The following SFXN4 variants were observed in gnomAD, a reference collection of about 807,000 sequenced individuals.
SFXN4 encodes sideroflexin 4, also known as sideroflexin-4.
A neutral mutation model predicts 54.6 loss-of-function variants in SFXN4; 48 were observed. The ratio of observed to expected loss-of-function variants is 0.88; its 90% CI spans 0.70 to 1.12. The LOEUF (loss-of-function observed/expected upper bound fraction) is 1.12. Ranked by LOEUF, SFXN4 falls within the 50% of genes most tolerant of loss-of-function variation. The pLI, the probability that SFXN4 is intolerant of heterozygous loss-of-function variation, is 0.00. For missense variants in SFXN4, 383 were observed against 409.2 expected (o/e 0.94, Z 0.55); for synonymous variants, 130 against 145.5 (o/e 0.89, Z 0.77).
At chr10:119,164,344 C>A in intron 1 of SFXN4, 148 bp from the exon 2 acceptor site, 2 of 569,160 alleles carry the variant, frequency 3.5e-6, no homozygotes, top group Non-Finnish European at 6.2e-6. Context: ...GGGATCCTCC[C>A]AACCTCTCCA....
chr10:119,143,706 G>A (rs148470310), intron 13 of SFXN4, among the ~76,000 whole-genome samples: 4 of 151,664 alleles, frequency 2.6e-5, no homozygotes, highest in African/African-American at 9.7e-5. Context: ...TGAACGCCGG[G>A]GCTCAAGTGA....
At chr10:119,159,691 C>A in intron 6 of SFXN4, 37 bp downstream of exon 6, 1 of 1,611,562 alleles carries the variant, frequency 6.2e-7, no homozygotes, top group Non-Finnish European at 8.5e-7. Context: ...TCTTCCCAAG[C>A]CCCTAGTCTC....
At chr10:119,159,809 G>A (rs1847443361) in intron 5 of SFXN4, 56 bp from the exon 6 acceptor site, 3 of 1,591,170 alleles carry the variant, frequency 1.9e-6, no homozygotes, top group Non-Finnish European at 2.6e-6. Context: ...AGGCAGAGGG[G>A]GCCAGAAGGG....
At chr10:119,160,323 T>C (rs1428072686) in intron 5 of SFXN4, among the ~76,000 whole-genome samples, 5 of 151,840 alleles carry the variant, frequency 3.3e-5, no homozygotes, top group Admixed American at 1.3e-4. Context: ...CTGGCCAACA[T>C]AGTGAAACCC....
At chr10:119,144,386 G>A (rs1355675783) in intron 13 of SFXN4, among the ~76,000 whole-genome samples, 1 of 152,136 alleles carries the variant, frequency 6.6e-6, no homozygotes, top group Non-Finnish European at 1.5e-5. Flanking sequence ...GAACCCGAGA[G>A]GTGGAGCTTG....
intron 11 of SFXN4, among the ~76,000 whole-genome samples, chr10:119,151,988 A>G (rs926514694): frequency 2.7e-5 from 4 of 150,854 alleles, no homozygotes; most frequent in Non-Finnish European, 5.9e-5. Flanking sequence ...CTAATTTTTT[A>G]AAAATTTTTT....
At position 119,155,180 on chromosome 10, in the gene SFXN4, G is replaced by A. The variant is rs17668734; in HGVS notation, c.617-3C>T. On this transcript the variant is annotated splice_region_variant and splice_polypyrimidine_tract_variant and intron_variant, in intron 10 of 13. Coordinates refer to ENST00000355697, the MANE Select transcript of SFXN4 (RefSeq NM_213649.2). ...GACATTCATTCCACTGGCTTGCACT[G>A]TAGATGTAAAGAAGTAAAGAACACC... The A allele has an allele frequency of 0.34, 542,077 of 1,602,256 alleles. 94,530 individuals are homozygous for A. The highest frequency in any genetic ancestry group is 0.4 in the South Asian group (36,265 of 90,800).
intron 10 of SFXN4, 66 bp downstream of exon 10, chr10:119,156,612 G>C: frequency 1.6e-6 from 2 of 1,272,562 alleles, no homozygotes; most frequent in Non-Finnish European, 2.2e-6. Flanking sequence ...CTCTGGAGAT[G>C]AAGGAAGGCT....
intron 10 of SFXN4, 111 bp downstream of exon 10, chr10:119,156,567 G>A (rs1847286988): frequency 3.5e-6 from 3 of 851,442 alleles, no homozygotes; most frequent in East Asian, 5.3e-5. Flanking sequence ...AAGGCCACCT[G>A]TCATCAGTCA....
At chr10:119,145,443 T>C (rs1193235611) in intron 13 of SFXN4, among the ~76,000 whole-genome samples, 4 of 151,624 alleles carry the variant, frequency 2.6e-5, no homozygotes, top group South Asian at 4.2e-4. Flanking sequence ...GCCTCCCGAG[T>C]AGCTGAGATT....
intron 13 of SFXN4, among the ~76,000 whole-genome samples, chr10:119,143,713 G>A (rs753968089): frequency 4.6e-5 from 7 of 152,120 alleles, no homozygotes; most frequent in Non-Finnish European, 1.0e-4. Flanking sequence ...CGGGGCTCAA[G>A]TGATCCTCCC....
At chr10:119,146,688 C>A (rs1846827288) in intron 12 of SFXN4, among the ~76,000 whole-genome samples, 1 of 152,130 alleles carries the variant, frequency 6.6e-6, no homozygotes, top group South Asian at 2.1e-4. Flanking sequence ...CCTGCCTCAG[C>A]CTCCCGAGTA....
chr10:119,147,315 T>C lies in SFXN4; in HGVS notation c.818+460A>G, dbSNP rs193295831. Among the ~76,000 whole-genome samples the C allele has an allele frequency of 1.1e-3, 163 of 152,366 alleles. 1 individual carries two copies. The highest frequency in any genetic ancestry group is 3.7e-3 in the African/African-American group (155 of 41,592). On this transcript the variant is annotated intron_variant, in intron 12 of 13. Transcript: ENST00000355697. ...ATACTGGTGGCCACAGGAACCCTGATGGATGCCCAGGTCCTCCGCCTCGTA... is the reference window on the plus strand; with the variant it reads ...ATACTGGTGGCCACAGGAACCCTGACGGATGCCCAGGTCCTCCGCCTCGTA...
rs894530785 is a variant in SFXN4 at position 119,148,307 on chromosome 10, C to T, written c.733-447G>A. 2.2e-4 allele frequency among the ~76,000 whole-genome samples: 34 copies of T among 152,224 alleles called. 1 individual carries two copies. Among genetic ancestry groups the T allele is most frequent in the African/African-American group, 8.2e-4 (34 of 41,536 alleles). On this transcript the variant is annotated intron_variant, in intron 11 of 13. Coordinates refer to ENST00000355697, the MANE Select transcript of SFXN4 (RefSeq NM_213649.2). ...AGAGAGGCGGAGGGGACGCCTTCCA[C>T]GTAACTTTCCATGTACAGGTGTGTG... is the stretch of plus-strand genomic sequence containing the variant.
intron 11 of SFXN4, among the ~76,000 whole-genome samples, chr10:119,150,041 G>GT (rs1445769502): frequency 6.6e-6 from 1 of 152,208 alleles, no homozygotes; most frequent in African/African-American, 2.4e-5. Context: ...TGGTTACGCA[G>GT]TTTCTGAAAT....
At chr10:119,163,773 G>A (rs1847649488) in intron 2 of SFXN4, among the ~76,000 whole-genome samples, 1 of 151,968 alleles carries the variant, frequency 6.6e-6, no homozygotes, top group African/African-American at 2.4e-5. Context: ...AATAATATAT[G>A]TAGATTCTGT....
Position 119,141,255 on chromosome 10 carries a change from T to C in SFXN4, c.1001A>G (p.His334Arg). The C allele has an allele frequency of 6.2e-7, 1 of 1,612,006 alleles. No individual in the cohort carries two copies. Among genetic ancestry groups the C allele is most frequent in the Non-Finnish European group, 8.5e-7 (1 of 1,178,130 alleles). The change falls in exon 14 of 14, where the codon CAC becomes CGC. Residue 334 changes from histidine to arginine, a missense_variant. Coordinates refer to ENST00000355697, the MANE Select transcript of SFXN4 (RefSeq NM_213649.2). ...SPTEETEIFY[H>R]RGV ...TAAAACTCACGCCTACACCCCTCTG[T>C]GATAAAAGATTTCTGTTTCTTCTGT...
At position 119,160,942 on chromosome 10, in the gene SFXN4, G is replaced by A; in HGVS notation, c.307C>T (p.Leu103=). 1 of 1,614,126 alleles carries A rather than the reference G, an allele frequency of 6.2e-7. No individual in the cohort carries two copies. The highest frequency in any genetic ancestry group is 2.2e-5 in the East Asian group (1 of 44,884). ...GCAGGTCGAAAAAGCTTGGGGATCAGGTTGCTGCTGTCGGGATGCACTGTT... is the reference window on the plus strand; with the variant it reads ...GCAGGTCGAAAAAGCTTGGGGATCAAGTTGCTGCTGTCGGGATGCACTGTT... ...LATVHPDSSN[L]IPKLFRPAAF... Residue 103 remains leucine, a synonymous_variant, in exon 5 of 14, where the codon CTG becomes TTG. Transcript: ENST00000355697.
At chr10:119,152,907 C>T (rs1847127941) in intron 11 of SFXN4, among the ~76,000 whole-genome samples, 1 of 152,124 alleles carries the variant, frequency 6.6e-6, no homozygotes, top group African/African-American at 2.4e-5. Context: ...TTAGTCCCTT[C>T]ACTTCATATC....
Sources: allele counts gnomAD v4.1 joint callset (sites outside exome capture counted in the v4.1 genomes callset), GRCh38; gene constraint gnomAD v4.1.1; transcripts MANE v1.5; gene names NCBI Gene and HGNC (gene_info 2026-07-23, HGNC 2026-07-21).